Variants in AGTPBP1 observed in about 807,000 individuals in gnomAD.
AGTPBP1 encodes ATP/GTP binding carboxypeptidase 1.
In AGTPBP1, 70 loss-of-function variants were observed where a neutral mutation model predicts 143.9. The ratio of observed to expected loss-of-function variants is 0.49; its 90% confidence interval spans 0.40 to 0.59. The LOEUF is 0.59. AGTPBP1 is among the 20% of genes least tolerant of loss of function. The pLI is 0.00. For synonymous variants in AGTPBP1, 463 were observed against 500.2 expected (o/e 0.93, Z 0.99); for missense variants, 1,229 against 1,464.5 (o/e 0.84, Z 2.62).
intron 8 of AGTPBP1, among the ~76,000 whole-genome samples, chr9:85,664,060 C>CA (rs1398882897): frequency 1.3e-5 from 2 of 152,064 alleles, no homozygotes; most frequent in South Asian, 2.1e-4. Context: ...CACCCCACCA[C>CA]AAAAAAGAGT....
At chr9:85,683,205 G>A (rs1835296871) in intron 3 of AGTPBP1, among the ~76,000 whole-genome samples, 1 of 152,090 alleles carries the variant, frequency 6.6e-6, no homozygotes, top group African/African-American at 2.4e-5. Flanking sequence ...ATTAATGAGA[G>A]TAAAATTAAA....
rs1825762122 is a variant in AGTPBP1 at position 85,546,676 on chromosome 9, A to T, written c.*433T>A. The T allele has an allele frequency of 1.3e-5, 2 of 152,986 alleles. No individual in the cohort carries two copies. Among genetic ancestry groups the T allele is most frequent in the Non-Finnish European group, 2.9e-5 (2 of 68,660 alleles). 9.5% of individuals were successfully genotyped at this position (152,986 alleles called of 1,614,324 possible). Reference sequence around the variant, plus strand: ...AAGAACAGTCTTATCTGCAATATCTACCCACTTCTAAACAAACACATCTAT... The same window carrying T: ...AAGAACAGTCTTATCTGCAATATCTTCCCACTTCTAAACAAACACATCTAT... On this transcript the variant is annotated 3_prime_UTR_variant, in exon 26 of 26. Transcript: ENST00000357081.
the AGTPBP1 span, among the ~76,000 whole-genome samples, chr9:85,799,736 T>C: frequency 0.21 from 31,737 of 152,060 alleles, 4,357 homozygotes; most frequent in South Asian, 0.45. Context: ...CAGGCTGGTC[T>C]TGAACTCCTG....
chr9:85,575,611 C>T, intron 24 of AGTPBP1, 136 bp from the exon 25 acceptor site: 1 of 616,098 alleles, frequency 1.6e-6, no homozygotes, highest in Non-Finnish European at 2.4e-6. Context: ...GGAACTAGGA[C>T]TCAACAAGTT....
At chr9:85,743,962 G>A (rs1034573367), upstream of AGTPBP1, among the ~76,000 whole-genome samples, 3 of 125,312 alleles carry the variant, frequency 2.4e-5, no homozygotes, top group Non-Finnish European at 4.9e-5. Context: ...CTCTCACTCT[G>A]TTGCCAAGGC....
At chr9:85,586,274 A>G (rs1339341691) in intron 22 of AGTPBP1, among the ~76,000 whole-genome samples, 5 of 152,140 alleles carry the variant, frequency 3.3e-5, no homozygotes, top group East Asian at 1.9e-4. Flanking sequence ...AAAAAACACC[A>G]TTAAGAAGGG....
At chr9:85,558,614 T>C (rs1826499016) in intron 25 of AGTPBP1, among the ~76,000 whole-genome samples, 1 of 149,338 alleles carries the variant, frequency 6.7e-6, no homozygotes, top group South Asian at 2.1e-4. Context: ...TCAACTTCAC[T>C]TACCTATAAT....
upstream of AGTPBP1, among the ~76,000 whole-genome samples, chr9:85,745,196 G>A (rs965706032): frequency 6.6e-6 from 1 of 152,122 alleles, no homozygotes; most frequent in Non-Finnish European, 1.5e-5. Context: ...ATAAGGTAAC[G>A]TACAAAATGC....
chr9:85,696,093 T>G (rs543140584), intron 2 of AGTPBP1, among the ~76,000 whole-genome samples: 2 of 152,276 alleles, frequency 1.3e-5, no homozygotes, highest in Admixed American at 1.3e-4. Flanking sequence ...CTGCCTGCCT[T>G]GGCCTTCCAA....
rs1370833104 is a variant in AGTPBP1 at position 85,614,322 on chromosome 9, GTTGA to G, written c.2335+4657_2335+4660del. ...AACTAATAAAAAGTTCAGCAAGAAG[GTTGA>G]TTTTCAAGTAAATATATAAAAATCA... On this transcript the variant is annotated intron_variant, in intron 17 of 25. Coordinates refer to ENST00000357081, the MANE Select transcript of AGTPBP1 (RefSeq NM_001330701.2). Among the ~76,000 whole-genome samples the G allele has an allele frequency of 6.6e-5, 10 of 152,040 alleles. No individual in the cohort carries two copies. In the East Asian group the frequency reaches 1.7e-3, roughly 26 times the overall value.
At chr9:85,644,224 CTTA>C (rs1181481549) in intron 12 of AGTPBP1, among the ~76,000 whole-genome samples, 6 of 151,480 alleles carry the variant, frequency 4.0e-5, no homozygotes, top group East Asian at 3.9e-4. Context: ...TTATTGTATA[CTTA>C]TTATTACATT....
At chr9:85,758,159 C>T in the AGTPBP1 span, among the ~76,000 whole-genome samples, 1 of 152,036 alleles carries the variant, frequency 6.6e-6, no homozygotes, top group Admixed American at 6.6e-5. Context: ...ATATGATGGA[C>T]ATTTCAGGAA....
intron 25 of AGTPBP1, among the ~76,000 whole-genome samples, chr9:85,561,226 G>C (rs1826692690): frequency 6.6e-6 from 1 of 151,988 alleles, no homozygotes; most frequent in South Asian, 2.1e-4. Context: ...GCCAGGTGTG[G>C]TGGTGCATGT....
intron 17 of AGTPBP1, among the ~76,000 whole-genome samples, chr9:85,608,492 A>G (rs1050247335): frequency 1.3e-5 from 2 of 152,096 alleles, no homozygotes; most frequent in Non-Finnish European, 2.9e-5. Flanking sequence ...TCATCCTGAT[A>G]CAGATGAAAA....
At chr9:85,705,713 C>T (rs1330462616) in intron 2 of AGTPBP1, among the ~76,000 whole-genome samples, 1 of 151,790 alleles carries the variant, frequency 6.6e-6, no homozygotes, top group South Asian at 2.1e-4. Context: ...TTTTTTGAGA[C>T]GGAGTCTCGC....
intron 6 of AGTPBP1, among the ~76,000 whole-genome samples, chr9:85,673,917 C>T (rs549675643): frequency 2.5e-4 from 38 of 151,732 alleles, no homozygotes; most frequent in Middle Eastern, 3.4e-3. Context: ...TCAGAAGATC[C>T]AGACCATCCT....
At chr9:85,751,474 G>A in the AGTPBP1 span, among the ~76,000 whole-genome samples, 8 of 152,080 alleles carry the variant, frequency 5.3e-5, no homozygotes, top group Non-Finnish European at 8.8e-5. Flanking sequence ...TTTCAATTGC[G>A]TACTTATCCA....
intron 20 of AGTPBP1, 116 bp downstream of exon 20, chr9:85,589,412 T>TC: frequency 7.4e-7 from 1 of 1,351,560 alleles, no homozygotes; most frequent in Non-Finnish European, 9.9e-7. Flanking sequence ...GGGCCAAGAC[T>TC]AGAGCCCAAG....
the AGTPBP1 span, chr9:85,786,545 G>A: frequency 1.5e-4 from 248 of 1,613,688 alleles, no homozygotes; most frequent in Non-Finnish European, 2.0e-4. Context: ...TGATTCCATC[G>A]AAGTATCTAG....
Sources: gnomAD v4.1 joint callset for allele counts (sites outside exome capture counted in the v4.1 genomes callset) on GRCh38, gnomAD v4.1.1 for gene constraint, MANE v1.5 for transcripts, NCBI Gene and HGNC (gene_info 2026-07-23, HGNC 2026-07-21) for gene names.